The following CRLS1 variants were observed in gnomAD, a reference collection of about 807,000 sequenced individuals.
CRLS1 encodes cardiolipin synthase 1.
CRLS1 carries 24 observed loss-of-function variants against 37.0 expected under a neutral mutation model. That is an observed-to-expected ratio of 0.65 (90% CI 0.47 to 0.91). The LOEUF (loss-of-function observed/expected upper bound fraction) is 0.91. CRLS1 is among the 40% of genes least tolerant of loss of function. The pLI is 0.00. For missense variants in CRLS1, 373 were observed against 395.8 expected (o/e 0.94, Z 0.49); for synonymous variants, 135 against 159.7 (o/e 0.85, Z 1.17).
In CRLS1 at chr20:6,006,572, C is replaced by T. The variant is rs936286569; in HGVS notation, c.306+20C>T. 40 of 1,259,230 alleles carry T rather than the reference C, an allele frequency of 3.2e-5. No homozygotes were observed. In the African/African-American group the frequency reaches 4.5e-4, roughly 14 times the overall value. The allele number at this position is 1,259,230 out of a possible 1,614,324, so 78.0% of individuals were successfully genotyped here. On this transcript the variant is annotated intron_variant, in intron 1 of 6. Transcript: ENST00000378863. ...AGCCTGGTACGTACCGATGAGGCGG[C>T]GGCGGGCCGGCCCTGGGCTGGGGTC...
At chr20:6,027,468 C>T (rs1051494144) in intron 3 of CRLS1, among the ~76,000 whole-genome samples, 18 of 152,006 alleles carry the variant, frequency 1.2e-4, no homozygotes, top group African/African-American at 1.7e-4. Context: ...AATGCAGTGG[C>T]GCAGTCTTGG....
At chr20:6,019,896 T>C (rs930861332) in intron 3 of CRLS1, among the ~76,000 whole-genome samples, 14 of 151,932 alleles carry the variant, frequency 9.2e-5, no homozygotes, top group African/African-American at 3.4e-4. Flanking sequence ...ACTCCTCACC[T>C]CAGGTGATCC....
chr20:6,006,613 A>T lies in CRLS1; in HGVS notation c.306+61A>T, dbSNP rs539134086. ...GGCTGGGGTCGCCGCCCCTGCACTC[A>T]GGTAACAAGCTCTGGGTGGTGCAGC... On this transcript the variant is annotated intron_variant, in intron 1 of 6. Transcript: ENST00000378863. 100 of 1,240,762 alleles carry T rather than the reference A, an allele frequency of 8.1e-5. 1 individual carries two copies. The Admixed American group carries it at 2.9e-3, about 36-fold the overall frequency. The allele number at this position is 1,240,762 out of a possible 1,614,324, so 76.9% of individuals were successfully genotyped here.
chr20:6,024,198 C>T (rs1315969967), intron 3 of CRLS1, among the ~76,000 whole-genome samples: 3 of 152,078 alleles, frequency 2.0e-5, no homozygotes, highest in Admixed American at 6.6e-5. Context: ...TTAAGTGATC[C>T]TCCCACCTCA....
In CRLS1 at chr20:6,006,942, C is replaced by T. The variant is rs1051240391; in HGVS notation, c.306+390C>T. 9.2e-6 allele frequency: 5 copies of T among 543,214 alleles called. No individual in the cohort carries two copies. The African/African-American group carries it at 1.0e-4, about 11-fold the overall frequency. 33.6% of individuals were successfully genotyped at this position (543,214 alleles called of 1,614,324 possible). A position where few individuals can be genotyped will look rare whatever the true frequency, so the allele number is the denominator to read the frequency against. On this transcript the variant is annotated intron_variant, in intron 1 of 6. Coordinates refer to ENST00000378863, the MANE Select transcript of CRLS1 (RefSeq NM_019095.6). ...TATTTAGAAAGGTATACAGGCCCTT[C>T]TGTTTGCTTGTGCAAGTTCCGTTCA...
rs369410812 is a variant in CRLS1 at position 6,037,118 on chromosome 20, A to G, written c.866A>G (p.Tyr289Cys). Reference protein sequence around the residue: ...FTTAASAYSYYHYGRKTVQVI... With the variant: ...FTTAASAYSYCHYGRKTVQVI... ...ACAGCTGCATCAGCTTATAGTTACT[A>G]TCATTATGGCCGGAAGACTGTTCAG... Residue 289 changes from tyrosine (Y) to cysteine (C), a missense_variant, in exon 7 of 7, where the codon TAT becomes TGT. Coordinates refer to ENST00000378863, the MANE Select transcript of CRLS1 (RefSeq NM_019095.6). 4.3e-6 allele frequency: 7 copies of G among 1,613,688 alleles called. No individual in the cohort carries two copies. The African/African-American group carries it at 5.3e-5, about 12-fold the overall frequency.
chr20:6,016,218 T>C (rs1173151114), intron 3 of CRLS1, among the ~76,000 whole-genome samples: 1 of 152,176 alleles, frequency 6.6e-6, no homozygotes, highest in Non-Finnish European at 1.5e-5. Flanking sequence ...AGAAATTGTA[T>C]CTGAGAACAA....
At chr20:6,031,460 A>C in intron 4 of CRLS1, 90 bp downstream of exon 4, 1 of 919,532 alleles carries the variant, frequency 1.1e-6, no homozygotes, top group South Asian at 1.7e-5. Context: ...ACATCTTTTC[A>C]ATTGATGGCA....
At chr20:6,032,363 C>CTTTTTTTTTTTTTTTTTTTTTGTTT (rs199513049) in intron 5 of CRLS1, among the ~76,000 whole-genome samples, 1 of 130,144 alleles carries the variant, frequency 7.7e-6, no homozygotes, top group Non-Finnish European at 1.7e-5. Flanking sequence ...GTAATTGTTC[C>CTTTTTTTTTTTTTTTTTTTTTGTTT]TTTTTTTTTT....
In CRLS1 at chr20:6,034,517, T is replaced by G; in HGVS notation, c.783T>G (p.Val261=). ...TGGCAGCTTCTTTGGCAGCTCCAGT[T>G]TTCAACTATGCTGACAGCATTTATC... is the stretch of plus-strand genomic sequence containing the variant. ...ILVAASLAAP[V]FNYADSIYLQ... Residue 261 remains valine (V), a synonymous_variant, in exon 6 of 7, where the codon GTT becomes GTG. Transcript: ENST00000378863. 6.2e-7 allele frequency: 1 copy of G among 1,613,140 alleles called. No individual in the cohort carries two copies. Among genetic ancestry groups the G allele is most frequent in the Non-Finnish European group, 8.5e-7 (1 of 1,179,786 alleles).
At chr20:6,023,345 A>T (rs6139896) in intron 3 of CRLS1, 1 of 152,218 alleles carries the variant, frequency 6.6e-6, no homozygotes, top group African/African-American at 2.4e-5. Flanking sequence ...TGAACAAGGC[A>T]TTACTCACCA....
chr20:6,008,810 T>C (rs891704619), intron 1 of CRLS1, among the ~76,000 whole-genome samples: 6 of 152,214 alleles, frequency 3.9e-5, no homozygotes, highest in African/African-American at 1.4e-4. Context: ...GGAGATTCTT[T>C]GCAGTATTTA....
intron 3 of CRLS1, among the ~76,000 whole-genome samples, chr20:6,019,472 G>A (rs1979039373): frequency 6.8e-6 from 1 of 147,570 alleles, no homozygotes. Flanking sequence ...TGTAGGATAT[G>A]TAGTAATGTC....
Position 6,037,267 on chromosome 20 carries a change from C to G in CRLS1, c.*109C>G. On this transcript the variant is annotated 3_prime_UTR_variant, in exon 7 of 7. Transcript: ENST00000378863. ...TTTTGGTGTTCAGCTTGAAAAAGGA[C>G]TTGTCAGAATCAACTGTGTCATCAA... is the stretch of plus-strand genomic sequence containing the variant. The G allele has an allele frequency of 1.6e-6, 1 of 618,706 alleles. No homozygotes were observed. Among genetic ancestry groups the G allele is most frequent in the Non-Finnish European group, 2.6e-6 (1 of 382,558 alleles). The allele number at this position is 618,706 out of a possible 1,614,324, so 38.3% of individuals were successfully genotyped here.
intron 5 of CRLS1, 143 bp from the exon 6 acceptor site, chr20:6,034,321 T>G (rs1841970034): frequency 1.7e-6 from 1 of 602,818 alleles, no homozygotes; most frequent in African/African-American, 1.9e-5. Context: ...TGCAAGCTTA[T>G]TGGGCAGGGA....
chr20:6,034,441 G>C (rs969211190), intron 5 of CRLS1, 23 bp from the exon 6 acceptor site: 8 of 1,571,072 alleles, frequency 5.1e-6, no homozygotes, highest in Non-Finnish European at 6.1e-6. Flanking sequence ...TATTCACTTA[G>C]AACTTTTTCT....
At chr20:6,033,190 C>T (rs1278173855) in intron 5 of CRLS1, among the ~76,000 whole-genome samples, 3 of 151,386 alleles carry the variant, frequency 2.0e-5, no homozygotes, top group Non-Finnish European at 4.4e-5. Flanking sequence ...AGTGCAATGA[C>T]GCGATCTTGG....
Position 6,037,364 on chromosome 20 carries a change from A to G in CRLS1, c.*206A>G, listed in dbSNP as rs1980633252. 1 of 360,272 alleles carries G rather than the reference A, an allele frequency of 2.8e-6. No homozygotes were observed. Among genetic ancestry groups the G allele is most frequent in the African/African-American group, 2.1e-5 (1 of 47,908 alleles). 22.3% of individuals were successfully genotyped at this position (360,272 alleles called of 1,614,324 possible). A position where few individuals can be genotyped will look rare whatever the true frequency, so the allele number is the denominator to read the frequency against. ...CAGAATTTCCAATGTATTTTTAAATACAAATAAAATTGTAATTTAGAATTT... is the reference window on the plus strand; with the variant it reads ...CAGAATTTCCAATGTATTTTTAAATGCAAATAAAATTGTAATTTAGAATTT... On this transcript the variant is annotated 3_prime_UTR_variant, in exon 7 of 7. Coordinates refer to ENST00000378863, the MANE Select transcript of CRLS1 (RefSeq NM_019095.6).
At chr20:6,033,694 T>G (rs547010277) in intron 5 of CRLS1, among the ~76,000 whole-genome samples, 55 of 152,198 alleles carry the variant, frequency 3.6e-4, no homozygotes, top group Non-Finnish European at 5.6e-4. Flanking sequence ...GTGCTTTTTC[T>G]TTGAAACGGG....
Sources: gnomAD v4.1 joint callset for allele counts (sites outside exome capture counted in the v4.1 genomes callset) on GRCh38, gnomAD v4.1.1 for gene constraint, MANE v1.5 for transcripts, NCBI Gene and HGNC (gene_info 2026-07-23, HGNC 2026-07-21) for gene names.